POF1B: variants seen among roughly 807,000 people sequenced by gnomAD.
POF1B encodes POF1B actin binding protein.
A neutral mutation model predicts 55.3 loss-of-function variants in POF1B; 53 were observed. That is an observed-to-expected ratio of 0.96 (90% CI 0.77 to 1.20). POF1B has a LOEUF of 1.20. Among genes scored for constraint, POF1B ranks in the 50% most tolerant of loss-of-function variants. The pLI is 0.00. For synonymous variants in POF1B, 188 were observed against 148.3 expected, an observed-to-expected ratio of 1.27 and a Z score of -1.95; for missense variants, 478 against 420.5, an observed-to-expected ratio of 1.14 and a Z score of -1.20.
chrX:85,362,585 G>A (rs1329233410), intron 3 of POF1B, among the ~76,000 whole-genome samples: 1 of 111,897 alleles, frequency 8.9e-6, no homozygotes, highest in Non-Finnish European at 1.9e-5. Flanking sequence ...CATCCCAGAA[G>A]TGAAACCTAT....
intron 7 of POF1B, among the ~76,000 whole-genome samples, chrX:85,325,861 A>G (rs944481813): frequency 1.9e-4 from 21 of 110,265 alleles, no homozygotes; most frequent in African/African-American, 6.9e-4. Flanking sequence ...TTTTTCTTTT[A>G]TCCTGTTTGG....
At chrX:85,359,252 G>A (rs139768383) in intron 4 of POF1B, among the ~76,000 whole-genome samples, 1,950 of 110,615 alleles carry the variant, frequency 0.018, 43 homozygotes, top group African/African-American at 0.061. Flanking sequence ...TTTTTCTTTC[G>A]TTCAAAGTGC....
intron 6 of POF1B, among the ~76,000 whole-genome samples, chrX:85,338,829 G>T (rs754214186): frequency 9.0e-6 from 1 of 111,298 alleles, no homozygotes. Context: ...ATAAAGCACT[G>T]GATATATCAT....
intron 5 of POF1B, among the ~76,000 whole-genome samples, chrX:85,350,394 G>A (rs1456299722): frequency 2.7e-5 from 3 of 111,419 alleles, no homozygotes; most frequent in East Asian, 5.7e-4. Flanking sequence ...AGTATTCCAC[G>A]GTGTATATGT....
chrX:85,356,438 C>T (rs923086922), intron 4 of POF1B, among the ~76,000 whole-genome samples: 1 of 108,011 alleles, frequency 9.3e-6, no homozygotes, highest in Non-Finnish European at 1.9e-5. Flanking sequence ...CACATGTACC[C>T]TAGAACTTAA....
rs1555988231 is a variant in POF1B, at chrX:85,360,522, G to GGTAT, written c.358-896_358-893dup. ...ATTTTATGGCTGCCTAGTATTCCAT[G>GGTAT]GTATGTATATATATATATATATATA... On this transcript the variant is annotated intron_variant, in intron 3 of 16. Coordinates refer to ENST00000262753, the MANE Select transcript of POF1B (RefSeq NM_024921.4). Among the ~76,000 whole-genome samples, 266 of 55,502 alleles carry GGTAT rather than the reference G, an allele frequency of 4.8e-3. 13 individuals carry two copies. Among genetic ancestry groups the GGTAT allele is most frequent in the African/African-American group, 0.024 (258 of 10,549 alleles). 48.2% of individuals were successfully genotyped at this position (55,502 alleles called of 115,157 possible).
Position 85,306,242 on chromosome X carries a change from A to C in POF1B, c.1256T>G (p.Leu419Arg). The C allele has an allele frequency of 8.3e-7, 1 of 1,203,606 alleles. No individual in the cohort carries two copies. Among genetic ancestry groups the C allele is most frequent in the Non-Finnish European group, 1.1e-6 (1 of 888,699 alleles). The change falls in exon 12 of 17, where the codon CTA (leucine) becomes CGA (arginine). Residue 419 changes from leucine to arginine, a missense_variant. By Grantham distance (102) the Leu-to-Arg change is moderately radical (BLOSUM62 -2). Transcript: ENST00000262753. ...RHTLSDMEYR[L>R]KELEYCKRNL... Reference sequence around the variant, plus strand: ...ACGTTTACAATATTCCAGTTCTTTTAGTCTGTATTCCATGTCTGATAGTGT... The same window carrying C: ...ACGTTTACAATATTCCAGTTCTTTTCGTCTGTATTCCATGTCTGATAGTGT...
chrX:85,328,220 T>TTTA (rs1932921899), intron 7 of POF1B, among the ~76,000 whole-genome samples: 1 of 98,516 alleles, frequency 1.0e-5, no homozygotes, highest in African/African-American at 3.8e-5. Flanking sequence ...TTATTTATTT[T>TTTA]TTGAGATGGA....
chrX:85,318,249 T>A (rs2147914442), intron 7 of POF1B, among the ~76,000 whole-genome samples: 1 of 111,924 alleles, frequency 8.9e-6, no homozygotes, highest in Non-Finnish European at 1.9e-5. Flanking sequence ...TTGTAGATTC[T>A]GGATATTAGA....
chrX:85,284,071 GA>G (rs2147889091), intron 15 of POF1B, among the ~76,000 whole-genome samples: 1 of 110,778 alleles, frequency 9.0e-6, no homozygotes, highest in East Asian at 2.9e-4. Context: ...GCTTCAAAGA[GA>G]ATAAAATACC....
intron 7 of POF1B, among the ~76,000 whole-genome samples, chrX:85,321,668 C>A (rs1213192613): frequency 9.8e-6 from 1 of 102,196 alleles, no homozygotes; most frequent in African/African-American, 3.9e-5. Flanking sequence ...TGTTTGCAGA[C>A]GACATGATTG....
intron 16 of POF1B, among the ~76,000 whole-genome samples, chrX:85,281,342 T>A (rs1299959517): frequency 5.4e-5 from 6 of 110,986 alleles, no homozygotes; most frequent in Non-Finnish European, 1.1e-4. Flanking sequence ...CTTGAGCATC[T>A]ACAGATTTTG....
rs190085507 is a variant in POF1B, at chrX:85,368,101, A to C, written c.283-335T>G. 1.8e-3 allele frequency among the ~76,000 whole-genome samples: 205 copies of C among 111,772 alleles called. 1 individual carries two copies. Among genetic ancestry groups the C allele is most frequent in the African/African-American group, 6.2e-3 (191 of 30,923 alleles). On this transcript the variant is annotated intron_variant, in intron 2 of 16. Coordinates refer to ENST00000262753, the MANE Select transcript of POF1B (RefSeq NM_024921.4). ...AATTAGCAAGATATAATATTTTACA[A>C]ACAAAACTTTTCTTTCAGTATTTGT...
chrX:85,359,505 A>G, intron 4 of POF1B, 45 bp downstream of exon 4: 1 of 990,903 alleles, frequency 1.0e-6, no homozygotes, highest in South Asian at 2.0e-5. Flanking sequence ...TGTTTAAGCA[A>G]TTAACTTCTA....
In POF1B at chrX:85,360,527, GTATATATATATATA is replaced by G. The variant is rs142665633; in HGVS notation, c.358-911_358-898del. Among the ~76,000 whole-genome samples, 5 of 58,537 alleles carry G rather than the reference GTATATATATATATA, an allele frequency of 8.5e-5. 1 individual carries two copies. The highest frequency in any genetic ancestry group is 2.1e-4 in the African/African-American group (2 of 9,582). 50.8% of individuals were successfully genotyped at this position (58,537 alleles called of 115,157 possible). A position where few individuals can be genotyped will look rare whatever the true frequency, so the allele number is the denominator to read the frequency against. ...ATGGCTGCCTAGTATTCCATGGTAT[GTATATATATATATA>G]TATATATATATATATATACATATAT... On this transcript the variant is annotated intron_variant, in intron 3 of 16. Transcript: ENST00000262753.
At chrX:85,296,341 G>T (rs1476767886) in intron 15 of POF1B, among the ~76,000 whole-genome samples, 2 of 111,995 alleles carry the variant, frequency 1.8e-5, no homozygotes, top group Non-Finnish European at 1.9e-5. Context: ...GTGTCTGTGG[G>T]ATATGTGCTT....
intron 15 of POF1B, among the ~76,000 whole-genome samples, chrX:85,300,046 T>C (rs1932409397): frequency 8.9e-6 from 1 of 112,468 alleles, no homozygotes; most frequent in Non-Finnish European, 1.9e-5. Flanking sequence ...TTGTTTAATA[T>C]CACAACTACC....
intron 2 of POF1B, among the ~76,000 whole-genome samples, chrX:85,378,637 A>T (rs1022866964): frequency 8.9e-6 from 1 of 111,988 alleles, no homozygotes; most frequent in Non-Finnish European, 1.9e-5. Context: ...TACGATAAAA[A>T]GTGTGTCATT....
chrX:85,299,427 T>C (rs1480299867), intron 15 of POF1B, among the ~76,000 whole-genome samples: 1 of 106,190 alleles, frequency 9.4e-6, no homozygotes, highest in Non-Finnish European at 1.9e-5. Flanking sequence ...TAGCTGGGAC[T>C]ACAGGCGCCC....
Sources: gnomAD v4.1 joint callset for allele counts (sites outside exome capture counted in the v4.1 genomes callset) on GRCh38, gnomAD v4.1.1 for gene constraint, MANE v1.5 for transcripts, NCBI Gene and HGNC (gene_info 2026-07-23, HGNC 2026-07-21) for gene names.